Variants in NUP210 observed in about 807,000 individuals in gnomAD.
NUP210 encodes nucleoporin 210, also known as nuclear pore membrane glycoprotein 210.
In NUP210, 151 loss-of-function variants were observed where a neutral mutation model predicts 196.0. The ratio of observed to expected loss-of-function variants is 0.77; its 90% CI spans 0.67 to 0.88. The LOEUF is 0.88. Among genes scored for constraint, NUP210 ranks in the 40% least tolerant of loss-of-function variants. NUP210 has a pLI of 0.00. For missense variants in NUP210, 2,314 were observed against 2,493.7 expected (o/e 0.93, Z 1.53); for synonymous variants, 1,070 against 1,052.7 (o/e 1.02, Z -0.32).
At chr3:13,384,915 C>T (rs758957296) in intron 6 of NUP210, among the ~76,000 whole-genome samples, 4 of 152,166 alleles carry the variant, frequency 2.6e-5, no homozygotes, top group Admixed American at 2.6e-4. Context: ...AGGTAAACAT[C>T]GGGCTCTGAC....
At chr3:13,338,037 G>C in intron 25 of NUP210, 120 bp from the exon 26 acceptor site, 1 of 867,302 alleles carries the variant, frequency 1.2e-6, no homozygotes, top group Non-Finnish European at 1.8e-6. Context: ...AGGCCCCTCA[G>C]GATGACCAGC....
At chr3:13,400,984 G>A (rs1256823709) in intron 1 of NUP210, among the ~76,000 whole-genome samples, 7 of 152,224 alleles carry the variant, frequency 4.6e-5, no homozygotes, top group East Asian at 3.9e-4. Context: ...GTGGCCAGGC[G>A]CAGTGGCTCA....
At chr3:13,399,265 CAA>C (rs35136269) in intron 2 of NUP210, among the ~76,000 whole-genome samples, 39 of 65,328 alleles carry the variant, frequency 6.0e-4, no homozygotes, top group African/African-American at 8.2e-4. Context: ...GACTCTGTCT[CAA>C]AAAAAAAAAA....
intron 20 of NUP210, chr3:13,344,960 C>A (rs768010503): frequency 2.0e-6 from 2 of 985,456 alleles, no homozygotes; most frequent in Middle Eastern, 5.2e-4. Context: ...CTTCTCCCCT[C>A]TTCTGGGGGC....
intron 1 of NUP210, among the ~76,000 whole-genome samples, chr3:13,416,631 C>T (rs924950491): frequency 6.6e-6 from 1 of 152,170 alleles, no homozygotes; most frequent in Non-Finnish European, 1.5e-5. Flanking sequence ...CAAGACAGCG[C>T]CCCCTTGCTG....
intron 12 of NUP210, among the ~76,000 whole-genome samples, chr3:13,372,902 T>C (rs1409281653): frequency 6.6e-6 from 1 of 152,094 alleles, no homozygotes; most frequent in African/African-American, 2.4e-5. Context: ...AAGGGGAAAC[T>C]GGGGTGAGAG....
chr3:13,354,359 A>G (rs1252281719), intron 16 of NUP210: 4 of 519,836 alleles, frequency 7.7e-6, no homozygotes, highest in Non-Finnish European at 1.4e-5. Flanking sequence ...CTTCAGCAAC[A>G]CTGGAGGCAT....
intron 32 of NUP210, 83 bp from the exon 33 acceptor site, chr3:13,326,014 G>T: frequency 1.3e-6 from 2 of 1,545,110 alleles, no homozygotes; most frequent in Non-Finnish European, 1.8e-6. Context: ...TGACAGGCCA[G>T]CTTCCTCGCT....
chr3:13,357,168 A>C (rs1009597380), intron 16 of NUP210, among the ~76,000 whole-genome samples: 2 of 152,224 alleles, frequency 1.3e-5, no homozygotes, highest in Admixed American at 6.5e-5. Context: ...TGCACAGTGC[A>C]TTCGCTGGTT....
intron 6 of NUP210, among the ~76,000 whole-genome samples, chr3:13,380,700 CCCT>C (rs1699071445): frequency 6.6e-6 from 1 of 152,158 alleles, no homozygotes; most frequent in Admixed American, 6.5e-5. Context: ...CTCTGCTTGG[CCCT>C]CCTCTCAGGC....
chr3:13,358,526 C>CTGTGGCATGGGT, intron 15 of NUP210, 131 bp from the exon 16 acceptor site: 1 of 864,386 alleles, frequency 1.2e-6, no homozygotes, highest in Non-Finnish European at 1.8e-6. Flanking sequence ...TGACGATACC[C>CTGTGGCATGGGT]ATGCCACAGG....
intron 6 of NUP210, 103 bp downstream of exon 6, chr3:13,386,172 C>A (rs1699266808): frequency 8.0e-7 from 1 of 1,252,796 alleles, no homozygotes; most frequent in Non-Finnish European, 1.1e-6. Context: ...CCTGATGGAG[C>A]ACTTAAAAAT....
intron 21 of NUP210, 80 bp downstream of exon 21, chr3:13,343,095 G>A (rs1697578495): frequency 1.5e-5 from 24 of 1,550,388 alleles, no homozygotes; most frequent in Admixed American, 8.5e-5. Flanking sequence ...AAGGCCATGC[G>A]GAACATTCCT....
chr3:13,319,244 G>A lies in NUP210; in HGVS notation c.5465C>T (p.Ala1822Val), dbSNP rs749069796. The change falls in exon 38 of 40, where the codon GCG becomes GTG. Residue 1822 changes from alanine to valine, a missense_variant. Coordinates refer to ENST00000254508, the MANE Select transcript of NUP210 (RefSeq NM_024923.4). ...FTLFALLAGT[A>V]VMIIAYHTVC... ...AGCCTCCTCACCTATGATCATGACC[G>A]CTGTCCCAGCCAACAGGGCGAAGAG... 14 of 1,613,020 alleles carry A rather than the reference G, an allele frequency of 8.7e-6. No individual in the cohort carries two copies. The highest frequency in any genetic ancestry group is 2.2e-5 in the South Asian group (2 of 90,778).
chr3:13,389,259 G>A (rs1699399234), intron 4 of NUP210, among the ~76,000 whole-genome samples: 1 of 152,216 alleles, frequency 6.6e-6, no homozygotes. Flanking sequence ...TGGCTCAGGT[G>A]CAGAGCTAGC....
rs1283012022 is a variant in NUP210, at chr3:13,347,439, T to C, written c.2836-4136A>G. 1 of 643,630 alleles carries C rather than the reference T, an allele frequency of 1.6e-6. No homozygotes were observed. The highest frequency in any genetic ancestry group is 1.9e-6 in the Non-Finnish European group (1 of 517,988). 39.9% of individuals were successfully genotyped at this position (643,630 alleles called of 1,614,324 possible). On this transcript the variant is annotated intron_variant, in intron 20 of 39. Coordinates refer to ENST00000254508, the MANE Select transcript of NUP210 (RefSeq NM_024923.4). The surrounding 1 kb of genome is among the most constrained non-coding windows in gnomAD (Gnocchi z 4.7). ...CTTAAATCGGATAAACACTCCTATG[T>C]GCAAACCAGCCGAAAACAAAATAAA...
chr3:13,349,400 C>T (rs1480972114), intron 20 of NUP210, among the ~76,000 whole-genome samples: 2 of 152,234 alleles, frequency 1.3e-5, no homozygotes, highest in Non-Finnish European at 1.5e-5. Flanking sequence ...GAGGTGGGGG[C>T]TCTCATCTTC....
chr3:13,345,108 T>C, intron 20 of NUP210: 1 of 985,402 alleles, frequency 1.0e-6, no homozygotes, highest in Non-Finnish European at 1.2e-6. Flanking sequence ...GAGCACATCT[T>C]GATTGGATGA....
At chr3:13,407,312 G>T (rs1442721920) in intron 1 of NUP210, among the ~76,000 whole-genome samples, 1 of 152,180 alleles carries the variant, frequency 6.6e-6, no homozygotes, top group African/African-American at 2.4e-5. Flanking sequence ...TTATGCAGGA[G>T]GATGGCTTGA....
Sources: gnomAD v4.1 joint callset for allele counts (sites outside exome capture counted in the v4.1 genomes callset) on GRCh38, gnomAD v4.1.1 for gene constraint, Gnocchi (gnomAD v3.1) non-coding constraint, MANE v1.5 for transcripts, NCBI Gene and HGNC (gene_info 2026-07-23, HGNC 2026-07-21) for gene names.